CDH8: variants seen among roughly 807,000 people sequenced by gnomAD.
CDH8 encodes the protein cadherin 8.
Under a neutral mutation model 68.1 loss-of-function variants are expected in CDH8, and 17 were observed. The observed-to-expected ratio is 0.25, with a 90% confidence interval of 0.17 to 0.37. The LOEUF is 0.37. Among genes scored for constraint, CDH8 ranks in the 10% least tolerant of loss-of-function variants. The pLI, the probability that CDH8 is intolerant of heterozygous loss-of-function variation, is 1.00. For synonymous variants in CDH8, 372 were observed against 365.1 expected (o/e 1.02, Z -0.21); for missense variants, 763 against 999.3 (o/e 0.76, Z 3.19).
Position 61,850,444 on chromosome 16 carries a change from A to T in CDH8, c.667+6675T>A, listed in dbSNP as rs565866795. ...ATAAGATTAGGAGAGGACAAAAAAT[A>T]ATAATAAAATAAAAATAAAAACTGG... On this transcript the variant is annotated intron_variant, in intron 4 of 11. Coordinates refer to ENST00000577390, the MANE Select transcript of CDH8 (RefSeq NM_001796.5). Among the ~76,000 whole-genome samples, 6 of 152,206 alleles carry T rather than the reference A, an allele frequency of 3.9e-5. No individual in the cohort carries two copies. In the East Asian group the frequency reaches 9.7e-4, roughly 25 times the overall value.
At chr16:61,878,435 G>A (rs373890119) in intron 3 of CDH8, among the ~76,000 whole-genome samples, 1 of 152,126 alleles carries the variant, frequency 6.6e-6, no homozygotes, top group Non-Finnish European at 1.5e-5. Context: ...TATGAGAAGG[G>A]TTATGGTAAG....
chr16:61,658,201 A>C (rs1262671519), intron 10 of CDH8, among the ~76,000 whole-genome samples: 3 of 152,100 alleles, frequency 2.0e-5, no homozygotes, highest in African/African-American at 4.8e-5. Flanking sequence ...AAACCATAGA[A>C]TATTAGCAGT....
At chr16:61,774,335 C>A (rs993422000) in intron 8 of CDH8, among the ~76,000 whole-genome samples, 2 of 151,864 alleles carry the variant, frequency 1.3e-5, no homozygotes, top group Non-Finnish European at 2.9e-5. Context: ...TGGTCTCTAA[C>A]TCCCAAGATT....
chr16:61,929,660 C>T (rs1964509966), intron 2 of CDH8, among the ~76,000 whole-genome samples: 1 of 152,008 alleles, frequency 6.6e-6, no homozygotes, highest in Non-Finnish European at 1.5e-5. Flanking sequence ...GCCAAGATGG[C>T]AGTATATCTT....
rs949753355 is a variant in CDH8 at position 61,652,592 on chromosome 16, C to T, written c.*1016G>A. ...CCTTTCGATAATATTGCCTGCCATACTCATCTCATCAAAATGTACATGTAT... is the reference window on the plus strand; with the variant it reads ...CCTTTCGATAATATTGCCTGCCATATTCATCTCATCAAAATGTACATGTAT... On this transcript the variant is annotated 3_prime_UTR_variant, in exon 12 of 12. Coordinates refer to ENST00000577390, the MANE Select transcript of CDH8 (RefSeq NM_001796.5). 6 of 1,034,872 alleles carry T rather than the reference C, an allele frequency of 5.8e-6. No individual in the cohort carries two copies. The African/African-American group carries it at 1.0e-4, about 17-fold the overall frequency. The allele number at this position is 1,034,872 out of a possible 1,614,324, so 64.1% of individuals were successfully genotyped here.
intron 2 of CDH8, among the ~76,000 whole-genome samples, chr16:61,990,778 C>G (rs1965701867): frequency 6.7e-6 from 1 of 149,272 alleles, no homozygotes; most frequent in Non-Finnish European, 1.5e-5. Flanking sequence ...GAGTTATGAT[C>G]ATGCCCCTGT....
rs143175929 is a variant in CDH8, at chr16:61,947,858, G to A, written c.253-46385C>T. On this transcript the variant is annotated intron_variant, in intron 2 of 11. Transcript: ENST00000577390. The stretch of plus-strand genomic sequence containing the variant: ...TCTGTTCTCAAATAAGGGATGGCTC[G>A]AGAAAATGAAAATAACCCAAGGGCA... Among the ~76,000 whole-genome samples the A allele has an allele frequency of 9.0e-3, 1,376 of 152,174 alleles. 16 individuals carry two copies. The highest frequency in any genetic ancestry group is 0.029 in the African/African-American group (1,213 of 41,508).
At chr16:61,885,820 G>C (rs1043974380) in intron 3 of CDH8, among the ~76,000 whole-genome samples, 2 of 151,864 alleles carry the variant, frequency 1.3e-5, no homozygotes, top group Non-Finnish European at 2.9e-5. Flanking sequence ...TTTGCCCTTT[G>C]TTTTCAGTCT....
chr16:61,858,678 A>C (rs1450333454), intron 3 of CDH8, among the ~76,000 whole-genome samples: 1 of 152,140 alleles, frequency 6.6e-6, no homozygotes, highest in Admixed American at 6.5e-5. Context: ...GGGGAGTGAA[A>C]AGGACAAAAC....
chr16:61,732,554 T>C (rs545198746), intron 8 of CDH8, among the ~76,000 whole-genome samples: 71 of 151,752 alleles, frequency 4.7e-4, no homozygotes, highest in African/African-American at 1.6e-3. Context: ...TAAAATAGAG[T>C]CATCACCAGA....
intron 4 of CDH8, among the ~76,000 whole-genome samples, chr16:61,831,598 A>AT (rs1279654755): frequency 6.6e-6 from 1 of 151,552 alleles, no homozygotes; most frequent in Non-Finnish European, 1.5e-5. Flanking sequence ...TGTGTGTGTT[A>AT]TTTTTTCTTC....
At chr16:61,722,494 T>C (rs1959230612) in intron 9 of CDH8, among the ~76,000 whole-genome samples, 1 of 150,882 alleles carries the variant, frequency 6.6e-6, no homozygotes, top group Non-Finnish European at 1.5e-5. Context: ...TTCACATTGT[T>C]TCTTCAGATT....
intron 2 of CDH8, among the ~76,000 whole-genome samples, chr16:62,019,050 G>A (rs1409401251): frequency 6.6e-6 from 1 of 152,162 alleles, no homozygotes; most frequent in Non-Finnish European, 1.5e-5. Context: ...CATTATGCAA[G>A]ACACAGTCAG....
chr16:61,764,722 T>A (rs534418158), intron 8 of CDH8, among the ~76,000 whole-genome samples: 1 of 152,170 alleles, frequency 6.6e-6, no homozygotes, highest in South Asian at 2.1e-4. Context: ...TGTACAGAAA[T>A]ATTTTACCCC....
At chr16:62,016,380 A>G in intron 2 of CDH8, among the ~76,000 whole-genome samples, 1 of 152,242 alleles carries the variant, frequency 6.6e-6, no homozygotes, top group East Asian at 1.9e-4. Flanking sequence ...TAGATGCTCA[A>G]TAAATATTCG....
At chr16:62,033,691 A>G (rs1902382186) in intron 1 of CDH8, among the ~76,000 whole-genome samples, 1 of 152,164 alleles carries the variant, frequency 6.6e-6, no homozygotes, top group South Asian at 2.1e-4. Context: ...CATTTGGCCT[A>G]TTTGCGATGG....
intron 2 of CDH8, among the ~76,000 whole-genome samples, chr16:61,997,635 C>T (rs1410500019): frequency 1.3e-5 from 2 of 152,120 alleles, no homozygotes; most frequent in African/African-American, 4.8e-5. Context: ...AGTAGCTTTG[C>T]AGAAGAAAGC....
At chr16:61,681,555 G>A (rs923115087) in intron 10 of CDH8, among the ~76,000 whole-genome samples, 1 of 145,592 alleles carries the variant, frequency 6.9e-6, no homozygotes, top group Non-Finnish European at 1.5e-5. Flanking sequence ...GAGCAAGAAG[G>A]TTTTTTTTTT....
At chr16:61,898,171 G>A (rs1963902428) in intron 3 of CDH8, among the ~76,000 whole-genome samples, 1 of 152,036 alleles carries the variant, frequency 6.6e-6, no homozygotes, top group Non-Finnish European at 1.5e-5. Flanking sequence ...ATGGTGACAT[G>A]TGCCTGTAAT....
Sources: gnomAD v4.1 joint callset for allele counts (sites outside exome capture counted in the v4.1 genomes callset) on GRCh38, gnomAD v4.1.1 for gene constraint, MANE v1.5 for transcripts, NCBI Gene and HGNC (gene_info 2026-07-23, HGNC 2026-07-21) for gene names.